Variants in CIITA observed in about 807,000 individuals in gnomAD.
CIITA encodes MHC class II transactivator.
In CIITA, 72 loss-of-function variants were observed where a neutral mutation model predicts 115.1. The observed-to-expected ratio is 0.63, with a 90% CI of 0.52 to 0.76. The LOEUF (loss-of-function observed/expected upper bound fraction) is 0.76. Among genes scored for constraint, CIITA ranks in the 30% least tolerant of loss-of-function variants. The pLI, the probability that CIITA is intolerant of heterozygous loss-of-function variation, is 0.00. For missense variants in CIITA, 1,617 were observed against 1,463.8 expected (o/e 1.10, Z -1.71); for synonymous variants, 763 against 635.6 (o/e 1.20, Z -3.02).
intron 10 of CIITA, among the ~76,000 whole-genome samples, chr16:10,905,515 C>T (rs2039078152): frequency 6.6e-6 from 1 of 152,134 alleles, no homozygotes. Context: ...AATCCCAGCA[C>T]TTTGGGAGGC....
In CIITA at chr16:10,879,056, G is replaced by A. The variant is rs2036134560; in HGVS notation, c.52+1674G>A. On this transcript the variant is annotated intron_variant, in intron 1 of 19. Transcript: ENST00000324288. This position sits in a 1 kb window ranked among gnomAD's most constrained non-coding sequence, Gnocchi z 4.3. ...CGGGGAACAGCGGTAGGTGACCAAA[G>A]TCTCCTCTGTAACCCCTAAGGTCGG... 1 of 208,304 alleles carries A rather than the reference G, an allele frequency of 4.8e-6. No individual in the cohort carries two copies. The highest frequency in any genetic ancestry group is 9.8e-6 in the Non-Finnish European group (1 of 102,408). The allele number at this position is 208,304 out of a possible 1,614,324, so 12.9% of individuals were successfully genotyped here. A position where few individuals can be genotyped will look rare whatever the true frequency, so the allele number is the denominator to read the frequency against.
intron 16 of CIITA, among the ~76,000 whole-genome samples, chr16:10,918,895 C>T (rs2040114556): frequency 6.6e-6 from 1 of 152,182 alleles, no homozygotes; most frequent in Non-Finnish European, 1.5e-5. Flanking sequence ...CTTTTGCCGG[C>T]CTTGTCACTT....
chr16:10,931,356 A>C lies in CIITA; in HGVS notation c.*7501A>C, dbSNP rs1167478881. On this transcript the variant is annotated 3_prime_UTR_variant, in exon 20 of 20. Transcript: ENST00000324288. Reference sequence around the variant, plus strand: ...TCGGTGAGGACCTCACTCCTCTCCCAGTCCTGTGACCACAAACCGCATCCC... The same window carrying C: ...TCGGTGAGGACCTCACTCCTCTCCCCGTCCTGTGACCACAAACCGCATCCC... The C allele has an allele frequency of 6.6e-6, 1 of 152,318 alleles. No individual in the cohort carries two copies. Among genetic ancestry groups the C allele is most frequent in the South Asian group, 2.1e-4 (1 of 4,832 alleles). 9.4% of individuals were successfully genotyped at this position (152,318 alleles called of 1,614,324 possible).
intron 9 of CIITA, 28 bp from the exon 10 acceptor site, chr16:10,904,716 A>C: frequency 6.2e-7 from 1 of 1,613,994 alleles, no homozygotes. Flanking sequence ...CCTCACCCTA[A>C]ATCTGGCACC....
chr16:10,940,739 A>ATC (rs2041091186), downstream of CIITA: 1 of 152,284 alleles, frequency 6.6e-6, no homozygotes, highest in Non-Finnish European at 1.5e-5. The surrounding 1 kb of genome is among the most constrained non-coding windows in gnomAD (Gnocchi z 4.2). Context: ...TCTCACATAC[A>ATC]CAGTGGGCTG....
rs116959344 is a variant in CIITA at position 10,897,531 on chromosome 16, C to T, written c.296-1139C>T. 1.8e-4 allele frequency among the ~76,000 whole-genome samples: 27 copies of T among 152,326 alleles called. No homozygotes were observed. In the East Asian group the frequency reaches 5.0e-3, roughly 28 times the overall value. On this transcript the variant is annotated intron_variant, in intron 3 of 19. Coordinates refer to ENST00000324288, the MANE Select transcript of CIITA (RefSeq NM_000246.4). Reference sequence around the variant, plus strand: ...ACATTCACGTCATAACAGGCAGCTTCACCCAAGTCTGCTCCTCAAGTCTGT... The same window carrying T: ...ACATTCACGTCATAACAGGCAGCTTTACCCAAGTCTGCTCCTCAAGTCTGT...
At chr16:10,893,291 G>A (rs1174591829) in intron 1 of CIITA, among the ~76,000 whole-genome samples, 1 of 152,092 alleles carries the variant, frequency 6.6e-6, no homozygotes, top group Non-Finnish European at 1.5e-5. Flanking sequence ...AGCAGCCCTG[G>A]GAAATGAATA....
chr16:10,906,826 A>T lies in CIITA; in HGVS notation c.1334A>T (p.Tyr445Phe), dbSNP rs1454261893. ...TGGGCTTGTGGCCGGCTTCCCCAGT[A>T]CGACTTTGTCTTCTCTGTCCCCTGC... ...RAWACGRLPQ[Y>F]DFVFSVPCHC... is the part of the protein sequence containing the mutation. Residue 445 changes from tyrosine (Y) to phenylalanine (F), a missense_variant, in exon 11 of 20, where the codon TAC becomes TTC. Physicochemically the swap from Tyr to Phe is conservative, Grantham distance 22. Coordinates refer to ENST00000324288, the MANE Select transcript of CIITA (RefSeq NM_000246.4). 2.5e-6 allele frequency: 4 copies of T among 1,613,002 alleles called. No homozygotes were observed. The highest frequency in any genetic ancestry group is 3.4e-6 in the Non-Finnish European group (4 of 1,180,016).
chr16:10,891,618 A>G (rs545777750), intron 1 of CIITA, among the ~76,000 whole-genome samples: 2 of 152,222 alleles, frequency 1.3e-5, no homozygotes, highest in East Asian at 1.9e-4. Context: ...GATTGCTGCA[A>G]TGTAGGTTCT....
rs143304499 is a variant in CIITA at position 10,907,605 on chromosome 16, G to A, written c.2113G>A (p.Glu705Lys). 4.6e-5 allele frequency: 74 copies of A among 1,614,116 alleles called. No individual in the cohort carries two copies. Among genetic ancestry groups the A allele is most frequent in the East Asian group, 1.8e-4 (8 of 44,894 alleles). ...VQHPPRAAES[E>K]LAFPSFLLQC... ...ACACCCACCGCGGGCCGCAGAGTCCGAGCTGGCCTTCCCCAGCTTCCTCCT... is the reference window on the plus strand; with the variant it reads ...ACACCCACCGCGGGCCGCAGAGTCCAAGCTGGCCTTCCCCAGCTTCCTCCT... Residue 705 changes from glutamate (E) to lysine (K), a missense_variant, in exon 11 of 20, where the codon GAG (glutamate) becomes AAG (lysine). Physicochemically the swap from Glu to Lys is moderately conservative, Grantham distance 56. Transcript: ENST00000324288. The surrounding 1 kb of genome is among the most constrained non-coding windows in gnomAD (Gnocchi z 5.0).
chr16:10,880,161 A>G (rs2143596829), intron 1 of CIITA, among the ~76,000 whole-genome samples: 1 of 152,278 alleles, frequency 6.6e-6, no homozygotes, highest in East Asian at 1.9e-4. Flanking sequence ...GTCTCCAACA[A>G]TCTCAGAGCG....
rs751445508 is a variant in CIITA, at chr16:10,916,409, C to T, written c.3012C>T (p.Val1004=). The T allele has an allele frequency of 1.4e-5, 22 of 1,613,574 alleles. No individual in the cohort carries two copies. Among genetic ancestry groups the T allele is most frequent in the Non-Finnish European group, 1.7e-5 (20 of 1,179,786 alleles). ...AGAACAAGATCGGGGACGAGGGTGT[C>T]TCGCAGCTCTCAGCCACCTTCCCCC... ...LSENKIGDEG[V]SQLSATFPQL... The change falls in exon 15 of 20, where the codon GTC becomes GTT. Residue 1004 remains valine, a synonymous_variant. Transcript: ENST00000324288.
intron 13 of CIITA, among the ~76,000 whole-genome samples, chr16:10,912,352 G>A (rs1358512653): frequency 6.6e-6 from 1 of 151,944 alleles, no homozygotes; most frequent in African/African-American, 2.4e-5. Flanking sequence ...GGCCTCAGAT[G>A]TTCCTCCCAC....
Position 10,877,283 on chromosome 16 carries a change from G to A in CIITA, c.-48G>A, listed in dbSNP as rs772066593. On this transcript the variant is annotated 5_prime_UTR_variant, in exon 1 of 20. Transcript: ENST00000324288. ...CTTGGGGAAGCTGAGGGCACGAGGA[G>A]GGGCTGCCAGACTCCGGGAGCTGCT... is the stretch of plus-strand genomic sequence containing the variant. 2.5e-6 allele frequency: 4 copies of A among 1,591,176 alleles called. No individual in the cohort carries two copies. Among genetic ancestry groups the A allele is most frequent in the South Asian group, 1.1e-5 (1 of 88,980 alleles).
intron 1 of CIITA, among the ~76,000 whole-genome samples, chr16:10,893,854 T>A (rs1405869962): frequency 6.9e-6 from 1 of 144,304 alleles, no homozygotes; most frequent in Non-Finnish European, 1.5e-5. Flanking sequence ...AGTGTTCTTT[T>A]GGGAATACTC....
At position 10,927,298 on chromosome 16, in the gene CIITA, C is replaced by G. The variant is rs973727158; in HGVS notation, c.*3443C>G. On this transcript the variant is annotated 3_prime_UTR_variant, in exon 20 of 20. Coordinates refer to ENST00000324288, the MANE Select transcript of CIITA (RefSeq NM_000246.4). Reference sequence around the variant, plus strand: ...ACCCCATCACTAGTTTTATCTTTTTCACTTATTTATGCAGTCTGCTCTTGT... The same window carrying G: ...ACCCCATCACTAGTTTTATCTTTTTGACTTATTTATGCAGTCTGCTCTTGT... 1 of 152,190 alleles carries G rather than the reference C, an allele frequency of 6.6e-6. No individual in the cohort carries two copies. Among genetic ancestry groups the G allele is most frequent in the Non-Finnish European group, 1.5e-5 (1 of 68,042 alleles). 9.4% of individuals were successfully genotyped at this position (152,190 alleles called of 1,614,324 possible). A position where few individuals can be genotyped will look rare whatever the true frequency, so the allele number is the denominator to read the frequency against.
intron 1 of CIITA, among the ~76,000 whole-genome samples, chr16:10,892,088 C>T (rs940488937): frequency 6.6e-6 from 1 of 152,136 alleles, no homozygotes; most frequent in African/African-American, 2.4e-5. Context: ...CTTTGGGAGG[C>T]CAAGGCGGGT....
rs867769675 is a variant in CIITA at position 10,901,882 on chromosome 16, C to T, written c.482-156C>T. The T allele has an allele frequency of 6.4e-6, 7 of 1,087,134 alleles. No individual in the cohort carries two copies. The highest frequency in any genetic ancestry group is 4.6e-5 in the African/African-American group (3 of 65,040). 67.3% of individuals were successfully genotyped at this position (1,087,134 alleles called of 1,614,324 possible). A position where few individuals can be genotyped will look rare whatever the true frequency, so the allele number is the denominator to read the frequency against. ...GAGAGGACTGGGGGACTGCCTGGCA[C>T]AGAGCAGTTGCTGATCAACACAGCT... is the stretch of plus-strand genomic sequence containing the variant. On this transcript the variant is annotated intron_variant, in intron 6 of 19. Transcript: ENST00000324288. This position sits in a 1 kb window ranked among gnomAD's most constrained non-coding sequence, Gnocchi z 6.8.
intron 3 of CIITA, among the ~76,000 whole-genome samples, chr16:10,897,083 C>G (rs1173072677): frequency 2.0e-5 from 3 of 152,170 alleles, no homozygotes; most frequent in Non-Finnish European, 4.4e-5. Context: ...CGAAAGCTGT[C>G]TAAGCAAATA....
Sources: allele counts gnomAD v4.1 joint callset (sites outside exome capture counted in the v4.1 genomes callset), GRCh38; gene constraint gnomAD v4.1.1; non-coding constraint Gnocchi (gnomAD v3.1); transcripts MANE v1.5; gene names NCBI Gene and HGNC (gene_info 2026-07-23, HGNC 2026-07-21).